Variants in AGPS observed in about 807,000 individuals in gnomAD.
AGPS encodes alkylglycerone phosphate synthase.
AGPS carries 26 observed loss-of-function variants against 90.7 expected under a neutral mutation model. The ratio of observed to expected loss-of-function variants is 0.29; its 90% CI spans 0.21 to 0.40. The LOEUF is 0.40. Ranked by LOEUF, AGPS falls within the 10% of genes least tolerant of loss-of-function variation. The probability of loss-of-function intolerance (pLI) is 1.00; values close to 1 mark genes in which losing one functional copy is unlikely to be tolerated. For missense variants in AGPS, 540 were observed against 816.1 expected (o/e 0.66, Z 4.12); for synonymous variants, 294 against 285.3 (o/e 1.03, Z -0.31).
intron 19 of AGPS, among the ~76,000 whole-genome samples, chr2:177,526,227 C>CTTTTTTTTT (rs749224337): frequency 3.2e-5 from 4 of 124,296 alleles, no homozygotes; most frequent in Admixed American, 8.2e-5. Context: ...AGCTTCTTGT[C>CTTTTTTTTT]TTTTTTTTTT....
Position 177,521,364 on chromosome 2 carries a change from C to T in AGPS, c.1793C>T (p.Thr598Ile). The change falls in exon 18 of 20, where the codon ACT becomes ATT. Residue 598 changes from threonine to isoleucine, a missense_variant. Transcript: ENST00000264167. ...ISDPLTVFEQTEAAAREEILA... is the reference protein window; with the variant it reads ...ISDPLTVFEQIEAAAREEILA... Reference sequence around the variant, plus strand: ...GACCCACTGACCGTATTTGAACAAACTGAGGTAATTTTGCATACCTGCATA... The same window carrying T: ...GACCCACTGACCGTATTTGAACAAATTGAGGTAATTTTGCATACCTGCATA... 1 of 1,612,220 alleles carries T rather than the reference C, an allele frequency of 6.2e-7. No homozygotes were observed. The highest frequency in any genetic ancestry group is 8.5e-7 in the Non-Finnish European group (1 of 1,178,282).
At chr2:177,479,854 C>G (rs577312204) in intron 10 of AGPS, among the ~76,000 whole-genome samples, 2 of 152,246 alleles carry the variant, frequency 1.3e-5, no homozygotes, top group East Asian at 3.9e-4. Context: ...ATTGTAATGA[C>G]AGTTGCACAT....
chr2:177,526,419 G>A (rs983307553), intron 19 of AGPS, among the ~76,000 whole-genome samples: 23 of 151,822 alleles, frequency 1.5e-4, no homozygotes, highest in African/African-American at 4.4e-4. Context: ...TAGTAGAGAC[G>A]GGTTTTCACC....
chr2:177,481,711 CAT>C lies in AGPS; in HGVS notation c.1106-345_1106-344del, dbSNP rs141660475. 5.3e-3 allele frequency among the ~76,000 whole-genome samples: 799 copies of C among 151,988 alleles called. 8 individuals are homozygous for C. Among genetic ancestry groups the C allele is most frequent in the African/African-American group, 0.018 (749 of 41,522 alleles). On this transcript the variant is annotated intron_variant, in intron 10 of 19. Transcript: ENST00000264167. ...ATCAAAATACGCTTTTGTCTGAATACATATGAGACATAAGAATCCATTGTTTT... is the reference window on the plus strand; with the variant it reads ...ATCAAAATACGCTTTTGTCTGAATACATGAGACATAAGAATCCATTGTTTT...
chr2:177,422,452 G>A (rs915118919), intron 2 of AGPS, among the ~76,000 whole-genome samples: 7 of 152,032 alleles, frequency 4.6e-5, no homozygotes, highest in African/African-American at 1.7e-4. Context: ...TTCCTTAAAG[G>A]CCTCATTTCT....
chr2:177,442,249 T>C (rs554341822), intron 6 of AGPS, among the ~76,000 whole-genome samples, 158 bp from the exon 7 acceptor site: 2 of 152,368 alleles, frequency 1.3e-5, no homozygotes, highest in Non-Finnish European at 2.9e-5. Flanking sequence ...AGTTTGCTTT[T>C]AGTGTGTTAG....
chr2:177,496,719 T>G (rs1348413413), intron 12 of AGPS, among the ~76,000 whole-genome samples: 2 of 152,036 alleles, frequency 1.3e-5, no homozygotes, highest in Non-Finnish European at 2.9e-5. Flanking sequence ...GTAAGTAGTA[T>G]TACAGATTGA....
At chr2:177,523,846 T>G in intron 19 of AGPS, 41 bp downstream of exon 19, 3 of 1,505,080 alleles carry the variant, frequency 2.0e-6, no homozygotes, top group Non-Finnish European at 2.8e-6. Context: ...ATTCTTACTT[T>G]AAAAAATATT....
intron 1 of AGPS, among the ~76,000 whole-genome samples, chr2:177,398,546 C>G (rs1430953526): frequency 6.6e-6 from 1 of 152,166 alleles, no homozygotes; most frequent in Non-Finnish European, 1.5e-5. Flanking sequence ...ATTCTTTCCT[C>G]TATGCTGGAT....
chr2:177,487,467 G>A (rs1688129228), intron 11 of AGPS, among the ~76,000 whole-genome samples: 1 of 151,976 alleles, frequency 6.6e-6, no homozygotes, highest in South Asian at 2.1e-4. Flanking sequence ...AAGGTTTGGG[G>A]TTTTTTGTTT....
intron 2 of AGPS, among the ~76,000 whole-genome samples, chr2:177,427,783 G>A (rs1434028092): frequency 1.3e-5 from 2 of 152,072 alleles, no homozygotes; most frequent in Admixed American, 6.6e-5. Flanking sequence ...GTGTTGTGGC[G>A]ATGAGAAAAA....
At chr2:177,507,853 T>G (rs1033988852) in intron 15 of AGPS, 117 bp from the exon 16 acceptor site, 1 of 795,028 alleles carries the variant, frequency 1.3e-6, no homozygotes, top group East Asian at 2.6e-5. Context: ...TAGTAAAGAG[T>G]GGATGAAGTT....
At chr2:177,418,093 C>T (rs900874181) in intron 1 of AGPS, among the ~76,000 whole-genome samples, 1 of 152,000 alleles carries the variant, frequency 6.6e-6, no homozygotes, top group Admixed American at 6.6e-5. Flanking sequence ...TCTGAGAAGA[C>T]TCCAAAAGTT....
Position 177,484,230 on chromosome 2 carries a change from G to A in AGPS, c.1233+2044G>A, listed in dbSNP as rs530949138. On this transcript the variant is annotated intron_variant, in intron 11 of 19. Transcript: ENST00000264167. ...TTTTTTAAAATGAATAAAAGGACAA[G>A]TTTTACTGATTTGTGTAAGGATGAA... Among the ~76,000 whole-genome samples the A allele has an allele frequency of 5.3e-5, 8 of 152,152 alleles. No homozygotes were observed. In the East Asian group the frequency reaches 5.8e-4, roughly 11 times the overall value.
rs973686589 is a variant in AGPS at position 177,452,595 on chromosome 2, A to G, written c.870+6969A>G. Among the ~76,000 whole-genome samples the G allele has an allele frequency of 1.1e-4, 16 of 152,252 alleles. 1 individual carries two copies. In the South Asian group the frequency reaches 3.3e-3, roughly 32 times the overall value. On this transcript the variant is annotated intron_variant, in intron 8 of 19. Transcript: ENST00000264167. Reference sequence around the variant, plus strand: ...AGAATGTTTTTCTTATAGGCAGCATATAATTGGTTCTTTTCTTTTTATCTA... The same window carrying G: ...AGAATGTTTTTCTTATAGGCAGCATGTAATTGGTTCTTTTCTTTTTATCTA...
chr2:177,496,672 T>C (rs1430446330), intron 12 of AGPS, among the ~76,000 whole-genome samples: 1 of 152,104 alleles, frequency 6.6e-6, no homozygotes, highest in Non-Finnish European at 1.5e-5. Flanking sequence ...TGGTCTTTTA[T>C]GTAACACAGT....
At chr2:177,404,927 T>C (rs890107028) in intron 1 of AGPS, among the ~76,000 whole-genome samples, 6 of 152,212 alleles carry the variant, frequency 3.9e-5, no homozygotes, top group African/African-American at 1.4e-4. Context: ...TTTTGGTATG[T>C]ATACTAATGA....
At chr2:177,456,809 C>A (rs1285513294) in intron 8 of AGPS, among the ~76,000 whole-genome samples, 1 of 152,138 alleles carries the variant, frequency 6.6e-6, no homozygotes, top group Non-Finnish European at 1.5e-5. Context: ...CAAGGATATT[C>A]AGGACTTGAA....
intron 1 of AGPS, among the ~76,000 whole-genome samples, chr2:177,400,779 C>G (rs1424267313): frequency 6.6e-6 from 1 of 152,156 alleles, no homozygotes; most frequent in Non-Finnish European, 1.5e-5. Flanking sequence ...ATCCTATAAG[C>G]AGGGGAATGC....
Sources: allele counts gnomAD v4.1 joint callset (sites outside exome capture counted in the v4.1 genomes callset), GRCh38; gene constraint gnomAD v4.1.1; transcripts MANE v1.5; gene names NCBI Gene and HGNC (gene_info 2026-07-23, HGNC 2026-07-21).